The following ZIC1 variants were observed in gnomAD, a reference collection of about 807,000 sequenced individuals.
ZIC1 encodes zinc finger protein ZIC 1.
In ZIC1, 4 loss-of-function variants were observed where a neutral mutation model predicts 30.9. That is an observed-to-expected ratio of 0.13 (90% CI 0.06 to 0.30). ZIC1 has a LOEUF of 0.30. ZIC1 is among the 10% of genes least tolerant of loss of function. The pLI is 1.00. For synonymous variants in ZIC1, 305 were observed against 277.5 expected, an observed-to-expected ratio of 1.10 and a Z score of -0.98; for missense variants, 441 against 639.3, an observed-to-expected ratio of 0.69 and a Z score of 3.34.
rs753507757 is a variant in ZIC1 at position 147,413,521 on chromosome 3, C to T, written c.1314C>T (p.Leu438=). 1.2e-6 allele frequency: 2 copies of T among 1,614,152 alleles called. No individual in the cohort carries two copies. Among genetic ancestry groups the T allele is most frequent in the Non-Finnish European group, 1.7e-6 (2 of 1,180,024 alleles). The part of the protein sequence containing the change: ...AVHHTAGHSA[L]SSNFNEWYV Reference sequence around the variant, plus strand: ...ACCACACAGCCGGCCACAGTGCGCTCTCTTCCAATTTTAACGAATGGTACG... The same window carrying T: ...ACCACACAGCCGGCCACAGTGCGCTTTCTTCCAATTTTAACGAATGGTACG... The change falls in exon 3 of 3, where the codon CTC becomes CTT. Residue 438 remains leucine (L), a synonymous_variant. Coordinates refer to ENST00000282928, the MANE Select transcript of ZIC1 (RefSeq NM_003412.4).
chr3:147,410,484 G>T lies in ZIC1; in HGVS notation c.372G>T (p.Ser124=). 1 of 1,606,362 alleles carries T rather than the reference G, an allele frequency of 6.2e-7. No individual in the cohort carries two copies. Reference sequence around the variant, plus strand: ...CACAGCACAGCCTCTTTGCTGCATCGGCCGGGGGCTTCGGGGGCCCACACG... The same window carrying T: ...CACAGCACAGCCTCTTTGCTGCATCTGCCGGGGGCTTCGGGGGCCCACACG... ...ASAQHSLFAA[S]AGGFGGPHGH... is the part of the protein sequence containing the mutation. The change falls in exon 1 of 3, where the codon TCG becomes TCT. Residue 124 remains serine (S), a synonymous_variant. Transcript: ENST00000282928.
chr3:147,411,143 A>G (rs778074596), intron 1 of ZIC1, 49 bp downstream of exon 1: 2 of 1,553,940 alleles, frequency 1.3e-6, no homozygotes, highest in South Asian at 2.5e-5. Context: ...TGGGCCTGGG[A>G]CCCAAACCGA....
chr3:147,413,477 C>T lies in ZIC1; in HGVS notation c.1270C>T (p.Pro424Ser), dbSNP rs953873527. 2.5e-6 allele frequency: 4 copies of T among 1,614,188 alleles called. No individual in the cohort carries two copies. In the Admixed American group the frequency reaches 6.7e-5, roughly 27 times the overall value. The change falls in exon 3 of 3, where the codon CCC (proline) becomes TCC (serine). Residue 424 changes from proline to serine, a missense_variant. By Grantham distance (74) the Pro-to-Ser change is moderately conservative. Around this residue, in one of 5 missense-constraint regions of ZIC1, gnomAD observed 56 missense variants for 52.5 expected, o/e 1.07. Coordinates refer to ENST00000282928, the MANE Select transcript of ZIC1 (RefSeq NM_003412.4). ...CAACCCGACCACAAGCTCCTTATCG[C>T]CCTCCTCCTCCGCAGTCCACCACAC... ...TDNPTTSSLS[P>S]SSSAVHHTAG...
chr3:147,411,555 G>A (rs541314999), intron 1 of ZIC1, among the ~76,000 whole-genome samples: 3 of 152,320 alleles, frequency 2.0e-5, no homozygotes, highest in Non-Finnish European at 2.9e-5. Context: ...CCGGGTTAAG[G>A]GCGTAGAAAG....
Position 147,410,439 on chromosome 3 carries a change from CGCG to C in ZIC1, c.336_338del (p.Ala114del). 1 of 1,603,388 alleles carries C rather than the reference CGCG, an allele frequency of 6.2e-7. No individual in the cohort carries two copies. On this transcript the variant is annotated inframe_deletion, in exon 1 of 3. Coordinates refer to ENST00000282928, the MANE Select transcript of ZIC1 (RefSeq NM_003412.4). The stretch of plus-strand genomic sequence containing the variant: ...TGTTCCGCAACCGGGGTTTTGGCGA[CGCG>C]GCGGCGGCAGCCAGCGCACAGCACA...
Position 147,413,607 on chromosome 3 carries a change from T to A in ZIC1, c.*56T>A, listed in dbSNP as rs1346918308. The A allele has an allele frequency of 1.9e-6, 3 of 1,570,418 alleles. No homozygotes were observed. In the African/African-American group the frequency reaches 4.1e-5, roughly 21 times the overall value. ...ATTTAAGAGACTGATCACACACGTA[T>A]ACACAACATTACTGAAAGAACCCTG... On this transcript the variant is annotated 3_prime_UTR_variant, in exon 3 of 3. Coordinates refer to ENST00000282928, the MANE Select transcript of ZIC1 (RefSeq NM_003412.4).
chr3:147,410,089 C>T lies in ZIC1; in HGVS notation c.-24C>T, dbSNP rs779222046. ...CGAGGGTGGGGGGGGCGGGGGAGGC[C>T]GGGGCTCGCCCCGAGCAGCCACGAT... On this transcript the variant is annotated 5_prime_UTR_variant, in exon 1 of 3. Coordinates refer to ENST00000282928, the MANE Select transcript of ZIC1 (RefSeq NM_003412.4). 5.7e-5 allele frequency: 83 copies of T among 1,458,492 alleles called. 1 individual carries two copies. The highest frequency in any genetic ancestry group is 1.3e-4 in the South Asian group (9 of 70,078). 90.3% of individuals were successfully genotyped at this position (1,458,492 alleles called of 1,614,324 possible). A position where few individuals can be genotyped will look rare whatever the true frequency, so the allele number is the denominator to read the frequency against.
rs897503392 is a variant in ZIC1 at position 147,414,211 on chromosome 3, G to C, written c.*660G>C. On this transcript the variant is annotated 3_prime_UTR_variant, in exon 3 of 3. Transcript: ENST00000282928. ...TATTAATGTGCTTTTTTTGTATAAA[G>C]TGCAAACATTTCGTCCCAAAGTCTA... 1 of 152,530 alleles carries C rather than the reference G, an allele frequency of 6.6e-6. No homozygotes were observed. Among genetic ancestry groups the C allele is most frequent in the South Asian group, 2.1e-4 (1 of 4,828 alleles). 9.4% of individuals were successfully genotyped at this position (152,530 alleles called of 1,614,324 possible). A position where few individuals can be genotyped will look rare whatever the true frequency, so the allele number is the denominator to read the frequency against.
At position 147,409,830 on chromosome 3, in the gene ZIC1, T is replaced by C; in HGVS notation, c.-283T>C. ...CGGCAGAGACTGAGCGGCGAGAAAGTGCGAGCCGGGCCGGCAGAATCTGCC... is the reference window on the plus strand; with the variant it reads ...CGGCAGAGACTGAGCGGCGAGAAAGCGCGAGCCGGGCCGGCAGAATCTGCC... On this transcript the variant is annotated 5_prime_UTR_variant, in exon 1 of 3. Transcript: ENST00000282928. The C allele has an allele frequency of 2.2e-6, 1 of 459,054 alleles. No individual in the cohort carries two copies. Among genetic ancestry groups the C allele is most frequent in the Non-Finnish European group, 3.8e-6 (1 of 261,384 alleles). The allele number at this position is 459,054 out of a possible 1,614,324, so 28.4% of individuals were successfully genotyped here.
chr3:147,412,991 C>T (rs1033657956), intron 2 of ZIC1, among the ~76,000 whole-genome samples: 1 of 152,208 alleles, frequency 6.6e-6, no homozygotes, highest in Admixed American at 6.5e-5. Context: ...GAAACTGCTG[C>T]CCTTGCAGCT....
chr3:147,412,502 T>C lies in ZIC1; in HGVS notation c.983-16T>C. On this transcript the variant is annotated splice_polypyrimidine_tract_variant and intron_variant, in intron 1 of 2. Transcript: ENST00000282928. ...TTTTTTCTAATTAGACCCCTCTCAT[T>C]CTACTTTGGCACCAGGGGAGAAGCC... 1 of 1,613,614 alleles carries C rather than the reference T, an allele frequency of 6.2e-7. No individual in the cohort carries two copies.
In ZIC1 at chr3:147,410,796, G is replaced by A. The variant is rs1313542120; in HGVS notation, c.684G>A (p.Lys228=). Residue 228 remains lysine, a synonymous_variant, in exon 1 of 3, where the codon AAG becomes AAA. Transcript: ENST00000282928. ...RQPIKQELIC[K]WIEPEQLANP... is the part of the protein sequence containing the mutation. Reference sequence around the variant, plus strand: ...CCATCAAGCAAGAGCTCATCTGCAAGTGGATCGAGCCCGAGCAGCTGGCCA... The same window carrying A: ...CCATCAAGCAAGAGCTCATCTGCAAATGGATCGAGCCCGAGCAGCTGGCCA... 1.2e-6 allele frequency: 2 copies of A among 1,614,256 alleles called. No individual in the cohort carries two copies. Among genetic ancestry groups the A allele is most frequent in the Non-Finnish European group, 1.7e-6 (2 of 1,180,050 alleles).
In ZIC1 at chr3:147,416,554, T is replaced by G. The variant is rs934087673; in HGVS notation, c.*3003T>G. On this transcript the variant is annotated 3_prime_UTR_variant, in exon 3 of 3. Transcript: ENST00000282928. ...TAAGTAGGATATTTTAAAGATAAAT[T>G]TTAGGGGTAAATGTTTACTTCAAAA... 6.6e-6 allele frequency: 1 copy of G among 152,152 alleles called. No homozygotes were observed. Among genetic ancestry groups the G allele is most frequent in the Non-Finnish European group, 1.5e-5 (1 of 68,034 alleles). 9.4% of individuals were successfully genotyped at this position (152,152 alleles called of 1,614,324 possible).
chr3:147,411,737 G>C (rs921520769), intron 1 of ZIC1, among the ~76,000 whole-genome samples: 5 of 151,894 alleles, frequency 3.3e-5, no homozygotes, highest in African/African-American at 1.2e-4. Flanking sequence ...GGAAGAACTT[G>C]TTGTCTATTA....
rs529253119 is a variant in ZIC1 at position 147,413,648 on chromosome 3, C to T, written c.*97C>T. The T allele has an allele frequency of 4.6e-5, 63 of 1,354,958 alleles. No individual in the cohort carries two copies. The highest frequency in any genetic ancestry group is 1.5e-4 in the Admixed American group (6 of 39,986). 83.9% of individuals were successfully genotyped at this position (1,354,958 alleles called of 1,614,324 possible). ...AAGAACCCTGCGAATCAAAACAACC[C>T]CCACACAGACCCCGCAATCCTTTTT... On this transcript the variant is annotated 3_prime_UTR_variant, in exon 3 of 3. Transcript: ENST00000282928.
Position 147,416,715 on chromosome 3 carries a change from G to A in ZIC1, c.*3164G>A, listed in dbSNP as rs1421819521. 1 of 152,144 alleles carries A rather than the reference G, an allele frequency of 6.6e-6. No homozygotes were observed. The highest frequency in any genetic ancestry group is 1.5e-5 in the Non-Finnish European group (1 of 68,026). 9.4% of individuals were successfully genotyped at this position (152,144 alleles called of 1,614,324 possible). ...AAACGTAATAAAAGCCAACATTTAAGCCAACCCTCCTGTGCATTCTCTTTT... is the reference window on the plus strand; with the variant it reads ...AAACGTAATAAAAGCCAACATTTAAACCAACCCTCCTGTGCATTCTCTTTT... On this transcript the variant is annotated 3_prime_UTR_variant, in exon 3 of 3. Transcript: ENST00000282928.
rs571536938 is a variant in ZIC1 at position 147,414,610 on chromosome 3, T to C, written c.*1059T>C. The C allele has an allele frequency of 6.5e-6, 1 of 152,786 alleles. No individual in the cohort carries two copies. Among genetic ancestry groups the C allele is most frequent in the South Asian group, 2.1e-4 (1 of 4,832 alleles). 9.5% of individuals were successfully genotyped at this position (152,786 alleles called of 1,614,324 possible). ...CTTCACCCACCAGCAACCTGCTGCCTCTTCTGCCAGTCTTAAAGGGTCTCC... is the reference window on the plus strand; with the variant it reads ...CTTCACCCACCAGCAACCTGCTGCCCCTTCTGCCAGTCTTAAAGGGTCTCC... On this transcript the variant is annotated 3_prime_UTR_variant, in exon 3 of 3. Coordinates refer to ENST00000282928, the MANE Select transcript of ZIC1 (RefSeq NM_003412.4).
rs1248341359 is a variant in ZIC1 at position 147,416,593 on chromosome 3, CA to C, written c.*3045del. On this transcript the variant is annotated 3_prime_UTR_variant, in exon 3 of 3. Transcript: ENST00000282928. Reference sequence around the variant, plus strand: ...TTTACTTCAAAATGACTCCATATTTCAAATATCTGTTTAGACTGTGAAGGCC... The same window carrying C: ...TTTACTTCAAAATGACTCCATATTTCAATATCTGTTTAGACTGTGAAGGCC... 1 of 152,108 alleles carries C rather than the reference CA, an allele frequency of 6.6e-6. No individual in the cohort carries two copies. The highest frequency in any genetic ancestry group is 2.4e-5 in the African/African-American group (1 of 41,410). The allele number at this position is 152,108 out of a possible 1,614,324, so 9.4% of individuals were successfully genotyped here.
chr3:147,412,705 C>G (rs2087391914), intron 2 of ZIC1, 24 bp downstream of exon 2: 3 of 1,597,706 alleles, frequency 1.9e-6, no homozygotes, highest in South Asian at 1.1e-5. Flanking sequence ...TCTCGTCGCC[C>G]CCTTTGAGGC....
Sources: gnomAD v4.1 joint callset for allele counts (sites outside exome capture counted in the v4.1 genomes callset) on GRCh38, gnomAD v4.1.1 for gene constraint, gnomAD v4.1.1 regional missense constraint, MANE v1.5 for transcripts, NCBI Gene and HGNC (gene_info 2026-07-23, HGNC 2026-07-21) for gene names.